The following MYOZ2 variants were observed in gnomAD, a reference collection of about 807,000 sequenced individuals.
MYOZ2 encodes the protein myozenin-2.
In MYOZ2, 19 loss-of-function variants were observed where a neutral mutation model predicts 25.4. The observed-to-expected ratio is 0.75, with a 90% CI of 0.52 to 1.10. MYOZ2 has a LOEUF of 1.10. Ranked by LOEUF, MYOZ2 falls within the 50% of genes least tolerant of loss-of-function variation. The pLI is 0.00. For synonymous variants in MYOZ2, 92 were observed against 106.9 expected, an observed-to-expected ratio of 0.86 and a Z score of 0.86; for missense variants, 270 against 317.9, an observed-to-expected ratio of 0.85 and a Z score of 1.15.
intron 5 of MYOZ2, among the ~76,000 whole-genome samples, chr4:119,168,087 C>T (rs1741863975): frequency 6.6e-6 from 1 of 152,194 alleles, no homozygotes; most frequent in South Asian, 2.1e-4. Flanking sequence ...ATTCTCCTGC[C>T]TCAGCCTCCT....
intron 2 of MYOZ2, among the ~76,000 whole-genome samples, chr4:119,142,099 A>G (rs1741168666): frequency 6.6e-6 from 1 of 152,156 alleles, no homozygotes; most frequent in Admixed American, 6.5e-5. Flanking sequence ...ATATTTAACA[A>G]TTGCTTCTTG....
chr4:119,164,249 T>C lies in MYOZ2; in HGVS notation c.415T>C (p.Phe139Leu). ...GPLKEIPPEK[F>L]NTTAVPKYYQ... ...ACTGAAGGAAATTCCTCCTGAAAAA[T>C]TCAACACCACAGCTGTCCCTAAGTA... The change falls in exon 5 of 6, where the codon TTC becomes CTC. Residue 139 changes from phenylalanine (F) to leucine (L), a missense_variant. Transcript: ENST00000307128. The C allele has an allele frequency of 1.9e-6, 3 of 1,614,012 alleles. No individual in the cohort carries two copies.
At chr4:119,183,537 C>T (rs183436501) in intron 5 of MYOZ2, among the ~76,000 whole-genome samples, 2 of 152,238 alleles carry the variant, frequency 1.3e-5, no homozygotes, top group East Asian at 1.9e-4. Flanking sequence ...TTGACCTCTC[C>T]ACTGGGATGT....
At chr4:119,142,478 T>A (rs1741178348) in intron 2 of MYOZ2, among the ~76,000 whole-genome samples, 1 of 152,190 alleles carries the variant, frequency 6.6e-6, no homozygotes, top group African/African-American at 2.4e-5. Context: ...TGACAGAGAC[T>A]CCAAACACTT....
chr4:119,158,530 T>G (rs2149223549), intron 4 of MYOZ2, among the ~76,000 whole-genome samples: 1 of 152,240 alleles, frequency 6.6e-6, no homozygotes, highest in Middle Eastern at 3.4e-3. Flanking sequence ...CCATCCAGCC[T>G]GGGTAACAGA....
In MYOZ2 at chr4:119,164,225, C is replaced by T. The variant is rs1553959019; in HGVS notation, c.391C>T (p.Leu131=). ...TTTTTCCAAAGGATATTCTGGACCA[C>T]TGAAGGAAATTCCTCCTGAAAAATT... is the stretch of plus-strand genomic sequence containing the variant. ...DNIAPGYSGP[L]KEIPPEKFNT... is the part of the protein sequence containing the mutation. Residue 131 remains leucine, a synonymous_variant, in exon 5 of 6, where the codon CTG becomes TTG. Transcript: ENST00000307128. The T allele has an allele frequency of 1.2e-6, 2 of 1,613,842 alleles. No homozygotes were observed. Among genetic ancestry groups the T allele is most frequent in the Admixed American group, 1.7e-5 (1 of 59,988 alleles).
intron 5 of MYOZ2, among the ~76,000 whole-genome samples, chr4:119,175,752 A>T (rs113127409): frequency 1.6e-3 from 145 of 90,178 alleles, no homozygotes; most frequent in African/African-American, 3.2e-3. Context: ...GCTCCATCTT[A>T]AAAAAAAAAA....
intron 2 of MYOZ2, among the ~76,000 whole-genome samples, chr4:119,137,790 A>G (rs1741065461): frequency 6.6e-6 from 1 of 152,178 alleles, no homozygotes; most frequent in African/African-American, 2.4e-5. Flanking sequence ...AAGTTCCAAA[A>G]TTCATGCCTT....
chr4:119,180,607 G>A (rs1213900122), intron 5 of MYOZ2, among the ~76,000 whole-genome samples: 5 of 152,198 alleles, frequency 3.3e-5, no homozygotes, highest in Admixed American at 3.3e-4. Flanking sequence ...ATGCTGGAGT[G>A]CGGTGGTGCG....
intron 3 of MYOZ2, among the ~76,000 whole-genome samples, chr4:119,151,698 G>A (rs549530674): frequency 6.6e-6 from 1 of 152,288 alleles, no homozygotes; most frequent in African/African-American, 2.4e-5. Context: ...ATAGTAGAAA[G>A]GCAACCAGCT....
At chr4:119,173,839 A>G (rs1244551556) in intron 5 of MYOZ2, among the ~76,000 whole-genome samples, 1 of 152,092 alleles carries the variant, frequency 6.6e-6, no homozygotes, top group African/African-American at 2.4e-5. Context: ...GGCCAGCTGG[A>G]GTTCTGGGTG....
At chr4:119,139,076 CCCCAAA>C (rs1231920662) in intron 2 of MYOZ2, among the ~76,000 whole-genome samples, 18 of 152,284 alleles carry the variant, frequency 1.2e-4, no homozygotes, top group African/African-American at 4.3e-4. Context: ...CTAATCACAA[CCCCAAA>C]TTGTTGCTCA....
In MYOZ2 at chr4:119,150,974, T is replaced by C; in HGVS notation, c.179T>C (p.Met60Thr). The change falls in exon 3 of 6, where the codon ATG becomes ACG. Residue 60 changes from methionine (M) to threonine (T), a missense_variant. Transcript: ENST00000307128. The stretch of plus-strand genomic sequence containing the variant: ...AACCGTGGTGCCAGGCTATTTAAGA[T>C]GCGTCAAAGAAGATCTGACAAATAC... The part of the protein sequence containing the change: ...LSNRGARLFK[M>T]RQRRSDKYTF... 1 of 1,613,634 alleles carries C rather than the reference T, an allele frequency of 6.2e-7. No homozygotes were observed. Among genetic ancestry groups the C allele is most frequent in the Non-Finnish European group, 8.5e-7 (1 of 1,179,562 alleles).
intron 5 of MYOZ2, among the ~76,000 whole-genome samples, chr4:119,175,100 C>T (rs867569769): frequency 6.6e-6 from 1 of 151,818 alleles, no homozygotes; most frequent in Non-Finnish European, 1.5e-5. Context: ...AGAGGGTCCG[C>T]GGCTTCATTC....
chr4:119,164,225 C>A lies in MYOZ2; in HGVS notation c.391C>A (p.Leu131Met). The A allele has an allele frequency of 6.2e-7, 1 of 1,613,960 alleles. No homozygotes were observed. The highest frequency in any genetic ancestry group is 8.5e-7 in the Non-Finnish European group (1 of 1,179,890). ...DNIAPGYSGP[L>M]KEIPPEKFNT... ...TTTTTCCAAAGGATATTCTGGACCA[C>A]TGAAGGAAATTCCTCCTGAAAAATT... Residue 131 changes from leucine to methionine, a missense_variant, in exon 5 of 6, where the codon CTG becomes ATG. Leu to Met is a conservative substitution (Grantham distance 15, BLOSUM62 2). Transcript: ENST00000307128.
chr4:119,177,540 C>T (rs1212141260), intron 5 of MYOZ2, among the ~76,000 whole-genome samples: 1 of 152,092 alleles, frequency 6.6e-6, no homozygotes, highest in East Asian at 1.9e-4. Context: ...CATCCTATAC[C>T]TCACCCTACT....
At chr4:119,176,371 C>T (rs1271704935) in intron 5 of MYOZ2, among the ~76,000 whole-genome samples, 1 of 152,088 alleles carries the variant, frequency 6.6e-6, no homozygotes, top group Non-Finnish European at 1.5e-5. Flanking sequence ...CAAGCGCCTG[C>T]CACCACACCC....
intron 2 of MYOZ2, among the ~76,000 whole-genome samples, chr4:119,149,184 C>T (rs1169579012): frequency 6.6e-6 from 1 of 152,118 alleles, no homozygotes; most frequent in Non-Finnish European, 1.5e-5. Flanking sequence ...TTTGTTATTG[C>T]TGGGAGAGGA....
intron 4 of MYOZ2, 59 bp downstream of exon 4, chr4:119,158,210 C>A: frequency 1.9e-6 from 3 of 1,585,352 alleles, no homozygotes; most frequent in Non-Finnish European, 2.6e-6. Flanking sequence ...TGATATGACT[C>A]AAGGCATTTA....
Sources: gnomAD v4.1 joint callset for allele counts (sites outside exome capture counted in the v4.1 genomes callset) on GRCh38, gnomAD v4.1.1 for gene constraint, MANE v1.5 for transcripts, NCBI Gene and HGNC (gene_info 2026-07-23, HGNC 2026-07-21) for gene names.